The following NEGR1 variants were observed in gnomAD, a reference collection of about 807,000 sequenced individuals.
The protein encoded by NEGR1 is neuronal growth regulator 1, also known as IgLON family member 4.
A neutral mutation model predicts 40.9 loss-of-function variants in NEGR1; 10 were observed. The ratio of observed to expected loss-of-function variants is 0.24; its 90% CI spans 0.15 to 0.42. NEGR1 has a LOEUF of 0.42. Among genes scored for constraint, NEGR1 ranks in the 10% least tolerant of loss-of-function variants. The probability of loss-of-function intolerance (pLI) is 1.00; values close to 1 mark genes in which losing one functional copy is unlikely to be tolerated. For missense variants in NEGR1, 352 were observed against 438.9 expected (o/e 0.80, Z 1.77); for synonymous variants, 185 against 166.8 (o/e 1.11, Z -0.84).
At chr1:71,872,527 C>T (rs74089025) in intron 2 of NEGR1, among the ~76,000 whole-genome samples, 3,794 of 152,212 alleles carry the variant, frequency 0.025, 172 homozygotes, top group African/African-American at 0.087. Flanking sequence ...CCTTTTCCCT[C>T]CAGCAAAGCA....
chr1:71,494,234 A>T (rs1485930006), intron 6 of NEGR1, among the ~76,000 whole-genome samples: 2 of 152,110 alleles, frequency 1.3e-5, no homozygotes, highest in African/African-American at 4.8e-5. Flanking sequence ...CTCTAATCTC[A>T]TGAAGAACTG....
At chr1:71,739,828 C>T (rs1655159976) in intron 3 of NEGR1, among the ~76,000 whole-genome samples, 2 of 152,230 alleles carry the variant, frequency 1.3e-5, no homozygotes, top group East Asian at 3.9e-4. Flanking sequence ...AAGCATGTCT[C>T]TACTTAGATT....
intron 3 of NEGR1, among the ~76,000 whole-genome samples, chr1:71,726,641 C>T (rs778500185): frequency 3.3e-5 from 5 of 152,032 alleles, no homozygotes; most frequent in Non-Finnish European, 7.4e-5. Flanking sequence ...TCTTTAATCT[C>T]AGAAAGATTG....
At chr1:72,094,384 G>A (rs1453727311) in intron 1 of NEGR1, among the ~76,000 whole-genome samples, 2 of 152,198 alleles carry the variant, frequency 1.3e-5, no homozygotes, top group African/African-American at 4.8e-5. Context: ...AATAACTTGT[G>A]CAAAGGCCCT....
At chr1:71,545,526 A>G (rs1647864908) in intron 6 of NEGR1, among the ~76,000 whole-genome samples, 1 of 151,358 alleles carries the variant, frequency 6.6e-6, no homozygotes, top group Non-Finnish European at 1.5e-5. Flanking sequence ...CTTTCTATCT[A>G]TGTCTATTGT....
At chr1:72,087,836 T>A (rs1376018578) in intron 1 of NEGR1, among the ~76,000 whole-genome samples, 1 of 148,830 alleles carries the variant, frequency 6.7e-6, no homozygotes, top group Non-Finnish European at 1.5e-5. Flanking sequence ...ACTAAAGAGA[T>A]CCTCTTGCCT....
At chr1:71,790,466 G>A (rs1471695013) in intron 2 of NEGR1, among the ~76,000 whole-genome samples, 3 of 152,050 alleles carry the variant, frequency 2.0e-5, no homozygotes, top group Admixed American at 2.0e-4. Context: ...ATAGTAAAGT[G>A]CATACATGCA....
intron 1 of NEGR1, among the ~76,000 whole-genome samples, chr1:72,209,551 C>T (rs1653524498): frequency 6.6e-6 from 1 of 151,914 alleles, no homozygotes; most frequent in East Asian, 1.9e-4. Flanking sequence ...AGTGAAGATT[C>T]CCTTGACCAC....
intron 3 of NEGR1, among the ~76,000 whole-genome samples, chr1:71,775,950 G>T (rs1420824420): frequency 6.6e-6 from 1 of 151,288 alleles, no homozygotes; most frequent in African/African-American, 2.4e-5. Context: ...ACCGGTTCGC[G>T]CCACTGAGCT....
chr1:71,593,190 T>C (rs1343180745), intron 5 of NEGR1, among the ~76,000 whole-genome samples: 1 of 152,198 alleles, frequency 6.6e-6, no homozygotes, highest in Non-Finnish European at 1.5e-5. Context: ...TTATTTGTGC[T>C]ATATAACAAA....
At chr1:72,177,717 G>A (rs1459011552) in intron 1 of NEGR1, among the ~76,000 whole-genome samples, 1 of 150,242 alleles carries the variant, frequency 6.7e-6, no homozygotes, top group Non-Finnish European at 1.5e-5. Context: ...CAAGCCTTCT[G>A]AAAATTTCAA....
intron 1 of NEGR1, among the ~76,000 whole-genome samples, chr1:72,251,202 C>T (rs1354555120): frequency 6.6e-6 from 1 of 152,172 alleles, no homozygotes; most frequent in Non-Finnish European, 1.5e-5. Flanking sequence ...GCTTTCTAGG[C>T]TGTAGTGCAC....
intron 1 of NEGR1, among the ~76,000 whole-genome samples, chr1:72,135,820 G>A (rs1478999414): frequency 2.6e-5 from 4 of 152,104 alleles, no homozygotes; most frequent in Non-Finnish European, 5.9e-5. Flanking sequence ...TTAATACCTG[G>A]TATCACATCT....
At chr1:71,531,818 A>G (rs1647364735) in intron 6 of NEGR1, among the ~76,000 whole-genome samples, 1 of 151,478 alleles carries the variant, frequency 6.6e-6, no homozygotes, top group Non-Finnish European at 1.5e-5. Flanking sequence ...ATATAATCAT[A>G]GACTTGCTCA....
At chr1:71,787,950 T>C (rs1208457760) in intron 2 of NEGR1, among the ~76,000 whole-genome samples, 1 of 152,194 alleles carries the variant, frequency 6.6e-6, no homozygotes, top group African/African-American at 2.4e-5. Flanking sequence ...GTTTCTCACC[T>C]GTCAAAAACT....
intron 1 of NEGR1, among the ~76,000 whole-genome samples, chr1:71,978,439 C>A (rs1188356432): frequency 6.6e-6 from 1 of 152,012 alleles, no homozygotes; most frequent in Non-Finnish European, 1.5e-5. Context: ...GACTTTGTGA[C>A]ACACTAGAAA....
intron 2 of NEGR1, among the ~76,000 whole-genome samples, chr1:71,819,070 G>A (rs1166375146): frequency 1.3e-5 from 2 of 151,898 alleles, no homozygotes; most frequent in Non-Finnish European, 2.9e-5. Context: ...CTAGTGAGGG[G>A]CTAAAGAAAG....
At chr1:71,994,027 C>T (rs1646479383) in intron 1 of NEGR1, among the ~76,000 whole-genome samples, 1 of 151,988 alleles carries the variant, frequency 6.6e-6, no homozygotes. Flanking sequence ...CCTTCTTATC[C>T]CCAAGACCTA....
Position 71,860,679 on chromosome 1 carries a change from A to G in NEGR1, c.409+74400T>C, listed in dbSNP as rs751587737. Among the ~76,000 whole-genome samples, 306 of 152,200 alleles carry G rather than the reference A, an allele frequency of 2.0e-3. 1 individual carries two copies. The highest frequency in any genetic ancestry group is 3.7e-3 in the Non-Finnish European group (251 of 67,990). On this transcript the variant is annotated intron_variant, in intron 2 of 6. Coordinates refer to ENST00000357731, the MANE Select transcript of NEGR1 (RefSeq NM_173808.3). Reference sequence around the variant, plus strand: ...GCTGATAAATACTAAAAGCAAAACAACATGAAGCTTAAATCACATTCTTAA... The same window carrying G: ...GCTGATAAATACTAAAAGCAAAACAGCATGAAGCTTAAATCACATTCTTAA...
Sources: gnomAD v4.1 joint callset for allele counts (sites outside exome capture counted in the v4.1 genomes callset) on GRCh38, gnomAD v4.1.1 for gene constraint, MANE v1.5 for transcripts, NCBI Gene and HGNC (gene_info 2026-07-23, HGNC 2026-07-21) for gene names.